Variants in SAMD7 observed in about 807,000 individuals in gnomAD.
The protein encoded by SAMD7 is sterile alpha motif domain containing 7.
A neutral mutation model predicts 36.7 loss-of-function variants in SAMD7; 34 were observed. The ratio of observed to expected loss-of-function variants is 0.93; its 90% CI spans 0.71 to 1.23. The LOEUF is 1.23. SAMD7 is among the 50% of genes most tolerant of loss of function. SAMD7 has a pLI of 0.00. For synonymous variants in SAMD7, 188 were observed against 189.7 expected (o/e 0.99, Z 0.07); for missense variants, 570 against 546.6 (o/e 1.04, Z -0.43).
chr3:169,927,242 T>G (rs1713308574), intron 6 of SAMD7, 61 bp downstream of exon 6: 1 of 1,253,272 alleles, frequency 8.0e-7, no homozygotes, highest in African/African-American at 1.5e-5. Flanking sequence ...GTCCGTAGGT[T>G]ACTACATAAT....
chr3:169,911,822 G>A lies in SAMD7; in HGVS notation c.-117+1G>A, dbSNP rs954810541. On this transcript the variant is annotated splice_donor_variant, in intron 1 of 8. Coordinates refer to ENST00000335556, the MANE Select transcript of SAMD7 (RefSeq NM_001304366.2). LOFTEE classifies it low-confidence loss of function (5UTR_SPLICE). ...AAGACAAGAAGTCTTCATAGAGGAT[G>A]TAAGTATGTAACTCTACACATTGAT... The A allele has an allele frequency of 2.6e-5, 4 of 152,214 alleles. No individual in the cohort carries two copies. Among genetic ancestry groups the A allele is most frequent in the Non-Finnish European group, 5.9e-5 (4 of 68,040 alleles). The allele number at this position is 152,214 out of a possible 1,614,324, so 9.4% of individuals were successfully genotyped here. A position where few individuals can be genotyped will look rare whatever the true frequency, so the allele number is the denominator to read the frequency against.
Position 169,926,939 on chromosome 3 carries a change from A to G in SAMD7, c.677A>G (p.Asp226Gly), listed in dbSNP as rs1266474698. 6.2e-7 allele frequency: 1 copy of G among 1,614,036 alleles called. No homozygotes were observed. Among genetic ancestry groups the G allele is most frequent in the East Asian group, 2.2e-5 (1 of 44,874 alleles). ...VPYEEDHYAK[D>G]PDIEAPSNQK... ...TATGAAGAGGATCATTATGCAAAAGACCCAGACATTGAAGCACCCAGCAAC... is the reference window on the plus strand; with the variant it reads ...TATGAAGAGGATCATTATGCAAAAGGCCCAGACATTGAAGCACCCAGCAAC... Residue 226 changes from aspartate (D) to glycine (G), a missense_variant, in exon 6 of 9, where the codon GAC (aspartate) becomes GGC (glycine). Coordinates refer to ENST00000335556, the MANE Select transcript of SAMD7 (RefSeq NM_001304366.2).
At chr3:169,927,204 C>T (rs1713306751) in intron 6 of SAMD7, 23 bp downstream of exon 6, 1 of 1,507,486 alleles carries the variant, frequency 6.6e-7, no homozygotes, top group African/African-American at 1.4e-5. Context: ...GGGCCAATGG[C>T]AGATCCTCAT....
intron 6 of SAMD7, 47 bp downstream of exon 6, chr3:169,927,228 C>G (rs1253228486): frequency 1.4e-6 from 2 of 1,450,962 alleles, no homozygotes; most frequent in African/African-American, 2.8e-5. Context: ...CTACAGGTTG[C>G]CAAGTCCGTA....
In SAMD7 at chr3:169,926,643, C is replaced by G; in HGVS notation, c.381C>G (p.Leu127=). Residue 127 remains leucine, a synonymous_variant, in exon 6 of 9, where the codon CTC becomes CTG. Transcript: ENST00000335556. ...TAGCAGGCCTAGGGATACCCTTCCTCTATGGCTCCAGTGTCCCAGCTGCCC... is the reference window on the plus strand; with the variant it reads ...TAGCAGGCCTAGGGATACCCTTCCTGTATGGCTCCAGTGTCCCAGCTGCCC... ...KGLAGLGIPF[L]YGSSVPAAPA... The G allele has an allele frequency of 6.2e-7, 1 of 1,614,052 alleles. No homozygotes were observed. The highest frequency in any genetic ancestry group is 8.5e-7 in the Non-Finnish European group (1 of 1,179,970).
intron 4 of SAMD7, 106 bp downstream of exon 4, chr3:169,921,444 G>A: frequency 8.7e-7 from 1 of 1,148,284 alleles, no homozygotes. Context: ...GCAGATCTGT[G>A]TGGTGGTTGT....
intron 7 of SAMD7, 101 bp downstream of exon 7, chr3:169,928,679 T>G: frequency 3.3e-6 from 4 of 1,223,616 alleles, no homozygotes; most frequent in Non-Finnish European, 4.7e-6. Context: ...CCAGAAAGGA[T>G]TCCTACTAAT....
rs187015783 is a variant in SAMD7, at chr3:169,922,497, T to C, written c.211+1159T>C. Reference sequence around the variant, plus strand: ...CTTATCTCACACATTTATCACCTTTTTTGTTGTTGTTGTTTGTTTGAGATG... The same window carrying C: ...CTTATCTCACACATTTATCACCTTTCTTGTTGTTGTTGTTTGTTTGAGATG... On this transcript the variant is annotated intron_variant, in intron 4 of 8. Coordinates refer to ENST00000335556, the MANE Select transcript of SAMD7 (RefSeq NM_001304366.2). 3.9e-5 allele frequency among the ~76,000 whole-genome samples: 6 copies of C among 152,310 alleles called. No homozygotes were observed. The East Asian group carries it at 1.2e-3, about 29-fold the overall frequency.
chr3:169,918,780 C>T (rs937967047), intron 2 of SAMD7, among the ~76,000 whole-genome samples: 1 of 152,114 alleles, frequency 6.6e-6, no homozygotes, highest in Non-Finnish European at 1.5e-5. Context: ...GAATATTTTT[C>T]CAAAGATTGA....
At chr3:169,934,785 A>G (rs1289143531) in intron 7 of SAMD7, among the ~76,000 whole-genome samples, 3 of 152,226 alleles carry the variant, frequency 2.0e-5, no homozygotes, top group Non-Finnish European at 4.4e-5. Context: ...AGCAAAGCTG[A>G]AATGAATCAG....
rs147564007 is a variant in SAMD7, at chr3:169,929,238, T to C, written c.1041+660T>C. On this transcript the variant is annotated intron_variant, in intron 7 of 8. Transcript: ENST00000335556. ...GGTAAAATTTTGAAGTTTATGTCAA[T>C]GCTACATTTTCATGCATTTAGTTTA... Among the ~76,000 whole-genome samples the C allele has an allele frequency of 1.7e-3, 258 of 152,300 alleles. 4 individuals are homozygous for C. Among genetic ancestry groups the C allele is most frequent in the African/African-American group, 5.6e-3 (233 of 41,570 alleles).
chr3:169,928,478 T>C lies in SAMD7; in HGVS notation c.941T>C (p.Ile314Thr), dbSNP rs75972343. The change falls in exon 7 of 9, where the codon ATT (isoleucine) becomes ACT (threonine). Residue 314 changes from isoleucine (I) to threonine (T), a missense_variant. Transcript: ENST00000335556. ...SLPGTHALVT[I>T]GGNLSLDEDI... The stretch of plus-strand genomic sequence containing the variant: ...AAAGGAACACATGCACTGGTTACAA[T>C]TGGGGGGAATCTTTCTTTGGATGAA... 1,919 of 1,612,628 alleles carry C rather than the reference T, an allele frequency of 1.2e-3. 16 individuals carry two copies. In the African/African-American group the frequency reaches 0.018, roughly 15 times the overall value.
At chr3:169,914,017 T>C (rs1324203256) in intron 1 of SAMD7, among the ~76,000 whole-genome samples, 2 of 152,234 alleles carry the variant, frequency 1.3e-5, no homozygotes, top group Non-Finnish European at 1.5e-5. Context: ...TGTATGATAC[T>C]GTAATGGTGG....
chr3:169,932,767 G>T (rs1713563280), intron 7 of SAMD7: 2 of 533,722 alleles, frequency 3.7e-6, no homozygotes, highest in African/African-American at 1.9e-5. Context: ...AGTATGATGA[G>T]CGCTACTGTG....
chr3:169,926,871 T>C lies in SAMD7; in HGVS notation c.609T>C (p.Ser203=). ...ACAGTGATGCTGAGAGTTCCAAAAG[T>C]CAAGCAGAAGAAAAAATCCTAGGTC... ...ALDSDAESSK[S]QAEEKILGQT... Residue 203 remains serine (S), a synonymous_variant, in exon 6 of 9, where the codon AGT becomes AGC. Transcript: ENST00000335556. 1.2e-6 allele frequency: 2 copies of C among 1,613,390 alleles called. No individual in the cohort carries two copies. The highest frequency in any genetic ancestry group is 1.7e-6 in the Non-Finnish European group (2 of 1,179,864).
rs1397487150 is a variant in SAMD7, at chr3:169,938,234, C to G, written c.1153-84C>G. 4 of 857,548 alleles carry G rather than the reference C, an allele frequency of 4.7e-6. No individual in the cohort carries two copies. In the African/African-American group the frequency reaches 6.9e-5, roughly 15 times the overall value. The allele number at this position is 857,548 out of a possible 1,614,324, so 53.1% of individuals were successfully genotyped here. ...AGATGCTCCATGCCTGAAATTACCT[C>G]AGCCTCTCTGTGATGTGTGTTTAAT... On this transcript the variant is annotated intron_variant, in intron 8 of 8. Coordinates refer to ENST00000335556, the MANE Select transcript of SAMD7 (RefSeq NM_001304366.2).
chr3:169,925,874 CAA>C (rs1201774100), intron 5 of SAMD7, among the ~76,000 whole-genome samples: 6 of 152,180 alleles, frequency 3.9e-5, no homozygotes, highest in Non-Finnish European at 7.3e-5. Context: ...CAATTTTGCG[CAA>C]AGATAGGAGC....
At chr3:169,928,924 G>C (rs938297739) in intron 7 of SAMD7, among the ~76,000 whole-genome samples, 2 of 152,164 alleles carry the variant, frequency 1.3e-5, no homozygotes, top group Admixed American at 1.3e-4. Context: ...TATCCACATA[G>C]CAAACATTTT....
rs1288287608 is a variant in SAMD7, at chr3:169,925,148, A to G, written c.290+12A>G. 5 of 1,572,328 alleles carry G rather than the reference A, an allele frequency of 3.2e-6. No individual in the cohort carries two copies. Among genetic ancestry groups the G allele is most frequent in the Admixed American group, 1.7e-5 (1 of 57,532 alleles). On this transcript the variant is annotated intron_variant, in intron 5 of 8. Coordinates refer to ENST00000335556, the MANE Select transcript of SAMD7 (RefSeq NM_001304366.2). ...CATCATACTGCCAGGTAATTTGGCA[A>G]TGTTGTTTTATTTATTCTCTATTCA... is the stretch of plus-strand genomic sequence containing the variant.
Sources: gnomAD v4.1 joint callset for allele counts (sites outside exome capture counted in the v4.1 genomes callset) on GRCh38, gnomAD v4.1.1 for gene constraint, MANE v1.5 for transcripts, NCBI Gene and HGNC (gene_info 2026-07-23, HGNC 2026-07-21) for gene names.